The following PCDHA4 variants were observed in gnomAD, a reference collection of about 807,000 sequenced individuals.
PCDHA4 encodes protocadherin alpha 4.
PCDHA4 carries 49 observed loss-of-function variants against 61.4 expected under a neutral mutation model. The ratio of observed to expected loss-of-function variants is 0.80; its 90% CI spans 0.63 to 1.01. The LOEUF (loss-of-function observed/expected upper bound fraction) is 1.01, where lower values mean the gene tolerates loss of function less well. PCDHA4 is among the 50% of genes least tolerant of loss of function. The pLI is 0.00. For missense variants in PCDHA4, 1,254 were observed against 1,235.8 expected, an observed-to-expected ratio of 1.01 and a Z score of -0.22; for synonymous variants, 590 against 550.3, an observed-to-expected ratio of 1.07 and a Z score of -1.01.
rs79307553 is a variant in PCDHA4, at chr5:140,974,500, T to G, written c.2386-4449T>G. ...ACCCAGAATTCTCAAATGTATTACC[T>G]TTGTGTTTTATTTTATTTTAGTTTT... is the stretch of plus-strand genomic sequence containing the variant. On this transcript the variant is annotated intron_variant, in intron 1 of 3. Transcript: ENST00000530339. 8.7e-3 allele frequency among the ~76,000 whole-genome samples: 1,326 copies of G among 152,308 alleles called. 23 individuals carry two copies. Among genetic ancestry groups the G allele is most frequent in the African/African-American group, 0.03 (1,239 of 41,564 alleles).
At chr5:140,956,200 GA>G (rs1385482287) in intron 1 of PCDHA4, among the ~76,000 whole-genome samples, 1 of 152,152 alleles carries the variant, frequency 6.6e-6, no homozygotes, top group Non-Finnish European at 1.5e-5. Flanking sequence ...TAGGAGTGGT[GA>G]AAGAGGGCAT....
In PCDHA4 at chr5:140,837,615, CCCTT is replaced by C. The variant is rs2150277487; in HGVS notation, c.2385+28060_2385+28063del. Among the ~76,000 whole-genome samples, 57 of 145,918 alleles carry C rather than the reference CCCTT, an allele frequency of 3.9e-4. 2 individuals carry two copies. Among genetic ancestry groups the C allele is most frequent in the South Asian group, 6.5e-4 (3 of 4,612 alleles). On this transcript the variant is annotated intron_variant, in intron 1 of 3. Coordinates refer to ENST00000530339, the MANE Select transcript of PCDHA4 (RefSeq NM_018907.4). ...CCAATATATATATTTTATAATTTGC[CCCTT>C]CCTTCCTTCCTTCCTTTCTTTCTTT...
At chr5:141,001,223 A>G (rs1349302343) in intron 3 of PCDHA4, among the ~76,000 whole-genome samples, 6 of 152,228 alleles carry the variant, frequency 3.9e-5, no homozygotes, top group Non-Finnish European at 8.8e-5. Context: ...AAGGATAGTT[A>G]CATTTAATCT....
rs1033698977 is a variant in PCDHA4 at position 140,868,958 on chromosome 5, T to A, written c.2385+59386T>A. ...TGGTCTGAACAGTGAGGCACTCCCA[T>A]ACAAAGGAACTCCATCATACCGGAT... On this transcript the variant is annotated intron_variant, in intron 1 of 3. Coordinates refer to ENST00000530339, the MANE Select transcript of PCDHA4 (RefSeq NM_018907.4). The A allele has an allele frequency of 4.3e-6, 6 of 1,397,388 alleles. No individual in the cohort carries two copies. The African/African-American group carries it at 8.6e-5, about 20-fold the overall frequency. The allele number at this position is 1,397,388 out of a possible 1,614,324, so 86.6% of individuals were successfully genotyped here.
intron 1 of PCDHA4, among the ~76,000 whole-genome samples, chr5:140,946,079 G>A (rs2093884371): frequency 6.6e-6 from 1 of 151,926 alleles, no homozygotes; most frequent in African/African-American, 2.4e-5. Context: ...GCAAACCACA[G>A]ATCTGATAAG....
chr5:140,914,458 A>T (rs1294717004), intron 1 of PCDHA4, among the ~76,000 whole-genome samples: 2 of 152,004 alleles, frequency 1.3e-5, no homozygotes, highest in African/African-American at 4.8e-5. Flanking sequence ...TTTCCAGTCT[A>T]TGTGTATCTT....
intron 1 of PCDHA4, among the ~76,000 whole-genome samples, chr5:140,945,046 A>T (rs2093731107): frequency 6.6e-6 from 1 of 152,192 alleles, no homozygotes; most frequent in Non-Finnish European, 1.5e-5. Flanking sequence ...TTGGTCTTAT[A>T]TAAAGAAAAC....
rs2150120995 is a variant in PCDHA4, at chr5:140,822,981, T to C, written c.2385+13409T>C. ...TCAAGCTGGTGTCCACCTTCAAGAA[T>C]TACTACTCGTTGGTGCTGGACAGCG... is the stretch of plus-strand genomic sequence containing the variant. On this transcript the variant is annotated intron_variant, in intron 1 of 3. Transcript: ENST00000530339. The C allele has an allele frequency of 1.4e-5, 23 of 1,614,242 alleles. No homozygotes were observed. The East Asian group carries it at 5.1e-4, about 36-fold the overall frequency.
At chr5:140,852,795 A>C in intron 1 of PCDHA4, 1 of 977,366 alleles carries the variant, frequency 1.0e-6, no homozygotes, top group African/African-American at 1.8e-5. Context: ...GATGCTACAG[A>C]TGTCATTTGT....
chr5:140,877,389 G>A (rs1554169667), intron 1 of PCDHA4: 3 of 1,613,994 alleles, frequency 1.9e-6, no homozygotes, highest in South Asian at 1.1e-5. Flanking sequence ...TCCTGGATGA[G>A]GCGGACGCTC....
chr5:140,970,286 C>A (rs2096395973), intron 1 of PCDHA4, among the ~76,000 whole-genome samples: 2 of 152,174 alleles, frequency 1.3e-5, no homozygotes, highest in Admixed American at 6.5e-5. Context: ...GTAGCCTTTT[C>A]AAGTCCTTCA....
chr5:140,841,748 T>G (rs2150322169), intron 1 of PCDHA4: 12 of 1,613,846 alleles, frequency 7.4e-6, no homozygotes, highest in Non-Finnish European at 9.3e-6. Context: ...GCTGTTTGTT[T>G]CAGAATCCAG....
chr5:140,863,011 C>T (rs782711409), intron 1 of PCDHA4: 2 of 552,132 alleles, frequency 3.6e-6, no homozygotes, highest in Admixed American at 1.9e-5. Flanking sequence ...CCAGCTATGA[C>T]GCCTGGTTGT....
intron 1 of PCDHA4, among the ~76,000 whole-genome samples, chr5:140,923,099 G>A (rs1164124655): frequency 6.6e-6 from 1 of 152,168 alleles, no homozygotes; most frequent in Non-Finnish European, 1.5e-5. Flanking sequence ...ACCAATGGGA[G>A]TATGATTTTA....
intron 1 of PCDHA4, chr5:140,836,157 G>A (rs2150254365): frequency 1.2e-6 from 2 of 1,613,822 alleles, no homozygotes; most frequent in Admixed American, 1.7e-5. Flanking sequence ...CCATGTGGTG[G>A]CGAAGGTACG....
intron 1 of PCDHA4, chr5:140,862,228 T>C (rs1247109904): frequency 9.6e-6 from 2 of 209,024 alleles, no homozygotes; most frequent in Non-Finnish European, 1.9e-5. Flanking sequence ...ATAGAAGTCT[T>C]GGACATCAAT....
intron 1 of PCDHA4, among the ~76,000 whole-genome samples, chr5:140,890,832 T>G (rs1554184561): frequency 6.6e-6 from 1 of 152,220 alleles, no homozygotes; most frequent in African/African-American, 2.4e-5. Context: ...ACTTACATAT[T>G]TACCAGTTTT....
intron 1 of PCDHA4, chr5:140,841,270 C>T: frequency 6.5e-7 from 1 of 1,529,280 alleles, no homozygotes; most frequent in Non-Finnish European, 8.8e-7. Context: ...AAAGTACAGT[C>T]GTTCATCTTT....
At chr5:140,852,689 T>C (rs993759166) in intron 1 of PCDHA4, 1 of 972,400 alleles carries the variant, frequency 1.0e-6, no homozygotes, top group Non-Finnish European at 1.2e-6. Flanking sequence ...AATATAGTCT[T>C]ATACTTTCAA....
Sources: gnomAD v4.1 joint callset for allele counts (sites outside exome capture counted in the v4.1 genomes callset) on GRCh38, gnomAD v4.1.1 for gene constraint, MANE v1.5 for transcripts, NCBI Gene and HGNC (gene_info 2026-07-23, HGNC 2026-07-21) for gene names.